Variants in JAK2 observed in about 807,000 individuals in gnomAD.
JAK2 encodes tyrosine-protein kinase JAK2.
JAK2 carries 86 observed loss-of-function variants against 139.3 expected under a neutral mutation model. The observed-to-expected ratio is 0.62, with a 90% CI of 0.52 to 0.74. The LOEUF is 0.74. JAK2 is among the 30% of genes least tolerant of loss of function. The pLI, the probability that JAK2 is intolerant of heterozygous loss-of-function variation, is 0.00. For synonymous variants in JAK2, 490 were observed against 437.7 expected (o/e 1.12, Z -1.49); for missense variants, 1,421 against 1,360.3 (o/e 1.04, Z -0.70).
chr9:5,022,967 T>C (rs1368003910), intron 3 of JAK2, among the ~76,000 whole-genome samples: 2 of 152,238 alleles, frequency 1.3e-5, no homozygotes, highest in Non-Finnish European at 2.9e-5. Flanking sequence ...TTATTTAAGA[T>C]CAGTATAGGT....
At chr9:5,049,412 T>G (rs549933195) in intron 5 of JAK2, among the ~76,000 whole-genome samples, 62 of 152,324 alleles carry the variant, frequency 4.1e-4, no homozygotes, top group African/African-American at 1.5e-3. Context: ...TCTGGTGCTT[T>G]TGTGTGTGTG....
chr9:5,099,137 G>A (rs941567395), intron 22 of JAK2: 2 of 152,188 alleles, frequency 1.3e-5, no homozygotes, highest in Non-Finnish European at 2.9e-5. Flanking sequence ...CTGCACTCAT[G>A]AACTATCCCC....
intron 4 of JAK2, among the ~76,000 whole-genome samples, chr9:5,037,724 G>C (rs1023596036): frequency 1.3e-5 from 2 of 152,168 alleles, no homozygotes; most frequent in African/African-American, 4.8e-5. Flanking sequence ...GGGGATGGAG[G>C]AGGGATAGCA....
chr9:5,056,886 C>T (rs1817803256), intron 8 of JAK2, among the ~76,000 whole-genome samples: 1 of 152,132 alleles, frequency 6.6e-6, no homozygotes. Flanking sequence ...TTTCCAAGGG[C>T]ACAGTGTTAG....
intron 19 of JAK2, chr9:5,085,495 G>A (rs1023832283): frequency 5.6e-6 from 4 of 720,074 alleles, no homozygotes; most frequent in Non-Finnish European, 7.9e-6. Flanking sequence ...ATTTTCTTTT[G>A]ACCCGAGCTG....
rs959542841 is a variant in JAK2, at chr9:5,128,366, G to T, written c.*1575G>T. 2.6e-5 allele frequency among the ~76,000 whole-genome samples: 4 copies of T among 151,684 alleles called. No homozygotes were observed. The highest frequency in any genetic ancestry group is 9.7e-5 in the African/African-American group (4 of 41,414). The stretch of plus-strand genomic sequence containing the variant: ...ATGACAGTGAATTAGGTTTTAAAAA[G>T]ATTTTAGATTTTTTTGAAAGTTTAA... On this transcript the variant is annotated 3_prime_UTR_variant, in exon 25 of 25. Coordinates refer to ENST00000381652, the MANE Select transcript of JAK2 (RefSeq NM_004972.4).
intron 5 of JAK2, among the ~76,000 whole-genome samples, chr9:5,047,653 AT>A (rs1406618270): frequency 6.6e-6 from 1 of 152,034 alleles, no homozygotes; most frequent in African/African-American, 2.4e-5. Flanking sequence ...TTTCTTTCTT[AT>A]TTTATTTTTT....
chr9:4,984,684 A>T (rs1819836806), upstream of JAK2: 1 of 152,448 alleles, frequency 6.6e-6, no homozygotes, highest in South Asian at 2.1e-4. Flanking sequence ...CCGAAAGCGG[A>T]GAAGTGTGCG....
chr9:5,117,849 G>C lies in JAK2; in HGVS notation c.3060-5155G>C, dbSNP rs764850563. Among the ~76,000 whole-genome samples the C allele has an allele frequency of 4.1e-4, 63 of 152,288 alleles. No individual in the cohort carries two copies. The Middle Eastern group carries it at 0.024, about 58-fold the overall frequency. Reference sequence around the variant, plus strand: ...CAGAGGGGACGTTGTATTAATGAGAGGCTAATAGTAGAGAGGCAGCTAATT... The same window carrying C: ...CAGAGGGGACGTTGTATTAATGAGACGCTAATAGTAGAGAGGCAGCTAATT... On this transcript the variant is annotated intron_variant, in intron 22 of 24. Transcript: ENST00000381652.
At chr9:4,988,064 C>T (rs1029978393) in intron 2 of JAK2, among the ~76,000 whole-genome samples, 1 of 152,184 alleles carries the variant, frequency 6.6e-6, no homozygotes, top group Non-Finnish European at 1.5e-5. Context: ...GCTTAAACCC[C>T]CATTGTGTTG....
intron 22 of JAK2, chr9:5,112,345 C>T (rs761783888): frequency 3.0e-6 from 1 of 333,240 alleles, no homozygotes; most frequent in South Asian, 3.6e-5. Context: ...CTTGGCCTTC[C>T]GACTCCTGCA....
intron 22 of JAK2, among the ~76,000 whole-genome samples, chr9:5,118,143 A>G (rs1349354995): frequency 6.6e-6 from 1 of 152,250 alleles, no homozygotes; most frequent in African/African-American, 2.4e-5. Flanking sequence ...CCTGGGCGAC[A>G]GAGCGAGACT....
intron 19 of JAK2, among the ~76,000 whole-genome samples, chr9:5,087,409 A>G (rs1820212288): frequency 6.6e-6 from 1 of 152,146 alleles, no homozygotes; most frequent in South Asian, 2.1e-4. Context: ...TTCCAATGAC[A>G]TGTGGGGATT....
At chr9:5,092,326 ATAT>A (rs1247882047) in intron 22 of JAK2, among the ~76,000 whole-genome samples, 1 of 152,138 alleles carries the variant, frequency 6.6e-6, no homozygotes, top group Non-Finnish European at 1.5e-5. Context: ...CATTCTAGAA[ATAT>A]TATTTAAATT....
At chr9:5,058,830 A>G (rs1418504212) in intron 8 of JAK2, among the ~76,000 whole-genome samples, 10 of 152,138 alleles carry the variant, frequency 6.6e-5, no homozygotes, top group Admixed American at 6.5e-4. Context: ...TGCCATTTGT[A>G]TATCTTCTTT....
intron 4 of JAK2, chr9:5,042,038 C>T (rs911958719): frequency 3.2e-6 from 1 of 310,830 alleles, no homozygotes; most frequent in Non-Finnish European, 6.2e-6. Context: ...TGGCTGGAAG[C>T]CAGGACACAG....
intron 2 of JAK2, among the ~76,000 whole-genome samples, chr9:4,998,966 T>C (rs1820767453): frequency 6.6e-6 from 1 of 150,398 alleles, no homozygotes; most frequent in Non-Finnish European, 1.5e-5. Flanking sequence ...GGACTACAGG[T>C]GCCCGCCACC....
chr9:5,061,845 AT>A (rs1818197770), intron 8 of JAK2, among the ~76,000 whole-genome samples: 1 of 152,048 alleles, frequency 6.6e-6, no homozygotes, highest in East Asian at 1.9e-4. Context: ...CTAGCTTTTG[AT>A]TTAAAGTGAG....
At chr9:5,005,116 T>TAGG (rs1821207687) in intron 2 of JAK2, among the ~76,000 whole-genome samples, 4 of 72,724 alleles carry the variant, frequency 5.5e-5, no homozygotes, top group African/African-American at 1.9e-4. Flanking sequence ...TTTTTTTTTT[T>TAGG]TTTTTTTTTT....
Sources: gnomAD v4.1 joint callset for allele counts (sites outside exome capture counted in the v4.1 genomes callset) on GRCh38, gnomAD v4.1.1 for gene constraint, MANE v1.5 for transcripts, NCBI Gene and HGNC (gene_info 2026-07-23, HGNC 2026-07-21) for gene names.